SMAD3: variants seen among roughly 807,000 people sequenced by gnomAD.
SMAD3 encodes the protein SMAD family member 3, also known as MAD homolog 3.
SMAD3 carries 12 observed loss-of-function variants against 51.8 expected under a neutral mutation model. The ratio of observed to expected loss-of-function variants is 0.23; its 90% CI spans 0.15 to 0.38. The LOEUF is 0.38. SMAD3 is among the 10% of genes least tolerant of loss of function. The probability of loss-of-function intolerance (pLI) is 1.00; values close to 1 mark genes in which losing one functional copy is unlikely to be tolerated. For missense variants in SMAD3, 294 were observed against 565.6 expected (o/e 0.52, Z 4.87); for synonymous variants, 238 against 227.7 (o/e 1.05, Z -0.41).
intron 1 of SMAD3, chr15:67,098,601 G>T: frequency 2.2e-6 from 1 of 462,204 alleles, no homozygotes; most frequent in Non-Finnish European, 4.0e-6. Context: ...GCAAACCACA[G>T]AGTACATTTG....
chr15:67,116,096 C>T (rs1210613580), intron 1 of SMAD3, among the ~76,000 whole-genome samples: 1 of 152,224 alleles, frequency 6.6e-6, no homozygotes, highest in Non-Finnish European at 1.5e-5. Flanking sequence ...ATCTCCTGTT[C>T]AGTTTATCTC....
At chr15:67,109,504 T>C (rs1479986054) in intron 1 of SMAD3, among the ~76,000 whole-genome samples, 2 of 152,268 alleles carry the variant, frequency 1.3e-5, no homozygotes, top group East Asian at 3.9e-4. Context: ...CAGGGGTTCC[T>C]GCACAGAGCT....
At chr15:67,168,116 G>A (rs563625412) in intron 4 of SMAD3, among the ~76,000 whole-genome samples, 3 of 152,300 alleles carry the variant, frequency 2.0e-5, no homozygotes, top group Non-Finnish European at 4.4e-5. Flanking sequence ...CACCACGCCC[G>A]GCTCATTTGT....
intron 8 of SMAD3, 51 bp from the exon 9 acceptor site, chr15:67,190,362 C>G (rs1963328967): frequency 3.2e-6 from 5 of 1,570,590 alleles, no homozygotes; most frequent in Non-Finnish European, 3.5e-6. Context: ...TGTGTAACCC[C>G]CTGGAGATTT....
intron 1 of SMAD3, among the ~76,000 whole-genome samples, chr15:67,115,694 A>G (rs1434570163): frequency 6.6e-6 from 1 of 151,992 alleles, no homozygotes; most frequent in African/African-American, 2.4e-5. Context: ...GCTGATACAG[A>G]TTCAGTGGCA....
intron 7 of SMAD3, chr15:67,187,130 G>A (rs906894446): frequency 7.4e-6 from 5 of 671,698 alleles, no homozygotes; most frequent in Admixed American, 2.0e-5. Context: ...TCCCCTTGCA[G>A]GTATGTCAGT....
At chr15:67,100,253 T>A (rs1055552541) in intron 1 of SMAD3, among the ~76,000 whole-genome samples, 3 of 150,180 alleles carry the variant, frequency 2.0e-5, no homozygotes, top group Admixed American at 2.0e-4. Context: ...TTGTGCTGAG[T>A]TGAAGAATTC....
chr15:67,122,594 G>A (rs923862282), intron 1 of SMAD3, among the ~76,000 whole-genome samples: 7 of 152,194 alleles, frequency 4.6e-5, no homozygotes. Context: ...TGAGGGTCTT[G>A]CATCTAGCTA....
rs17293632 is a variant in SMAD3, at chr15:67,150,258, C to T, written c.207-14637C>T. 0.17 allele frequency among the ~76,000 whole-genome samples: 26,259 copies of T among 152,144 alleles called. 2,806 individuals carry two copies. The highest frequency in any genetic ancestry group is 0.24 in the Non-Finnish European group (16,102 of 67,982). On this transcript the variant is annotated intron_variant, in intron 1 of 8. Transcript: ENST00000327367. ...TGTTTTATCTCTCTAGCCGGTGACT[C>T]ATAATTAAGGAAGTCAAAACTGTGC...
At position 67,121,242 on chromosome 15, in the gene SMAD3, C is replaced by T. The variant is rs115543421; in HGVS notation, c.207-43653C>T. On this transcript the variant is annotated intron_variant, in intron 1 of 8. Transcript: ENST00000327367. The stretch of plus-strand genomic sequence containing the variant: ...GTGGAGCCCAGTGGGGATTTCCACG[C>T]GGCCCCAGTGTTCTCTTCTCCTCGT... Among the ~76,000 whole-genome samples the T allele has an allele frequency of 3.5e-3, 530 of 152,298 alleles. 4 individuals carry two copies. The highest frequency in any genetic ancestry group is 0.012 in the African/African-American group (517 of 41,554).
chr15:67,113,014 A>T lies in SMAD3; in HGVS notation c.206+46654A>T, dbSNP rs1383978814. 1.6e-5 allele frequency among the ~76,000 whole-genome samples: 2 copies of T among 124,650 alleles called. 1 individual carries two copies. The highest frequency in any genetic ancestry group is 1.8e-4 in the Admixed American group (2 of 10,946). 81.8% of individuals were successfully genotyped at this position (124,650 alleles called of 152,430 possible). A position where few individuals can be genotyped will look rare whatever the true frequency, so the allele number is the denominator to read the frequency against. On this transcript the variant is annotated intron_variant, in intron 1 of 8. Coordinates refer to ENST00000327367, the MANE Select transcript of SMAD3 (RefSeq NM_005902.4). ...TTTATTGATCCATACATCTATCCTC[A>T]TGACAGTCTTGACTACTATAGCTTT... is the stretch of plus-strand genomic sequence containing the variant.
chr15:67,088,649 G>A (rs997702896), intron 1 of SMAD3, among the ~76,000 whole-genome samples: 1 of 152,200 alleles, frequency 6.6e-6, no homozygotes, highest in Non-Finnish European at 1.5e-5. Context: ...GGATGCTAAG[G>A]CCGGGTGCGG....
chr15:67,141,031 T>C (rs888349543), intron 1 of SMAD3, among the ~76,000 whole-genome samples: 1 of 152,336 alleles, frequency 6.6e-6, no homozygotes, highest in South Asian at 2.1e-4. Flanking sequence ...AAAAACGCTC[T>C]GCAGGCCAAG....
Position 67,066,147 on chromosome 15 carries a change from C to G in SMAD3, c.-8C>G. On this transcript the variant is annotated 5_prime_UTR_variant, in exon 1 of 9. Transcript: ENST00000327367. ...GCGCTCCTCGCCGCCCGCGCGCCCTCCCCAGCCATGTCGTCCATCCTGCCT... is the reference window on the plus strand; with the variant it reads ...GCGCTCCTCGCCGCCCGCGCGCCCTGCCCAGCCATGTCGTCCATCCTGCCT... 6.3e-7 allele frequency: 1 copy of G among 1,583,050 alleles called. No individual in the cohort carries two copies. The highest frequency in any genetic ancestry group is 8.6e-7 in the Non-Finnish European group (1 of 1,165,630).
Position 67,190,591 on chromosome 15 carries a change from G to A in SMAD3, c.*55G>A. The A allele has an allele frequency of 6.3e-7, 1 of 1,594,742 alleles. No homozygotes were observed. Among genetic ancestry groups the A allele is most frequent in the Non-Finnish European group, 8.6e-7 (1 of 1,163,814 alleles). ...CTTGGGGAAAATGGCCATGCAGGAGGTGGAGAAAATTGGAACTCTACTCAA... is the reference window on the plus strand; with the variant it reads ...CTTGGGGAAAATGGCCATGCAGGAGATGGAGAAAATTGGAACTCTACTCAA... On this transcript the variant is annotated 3_prime_UTR_variant, in exon 9 of 9. Coordinates refer to ENST00000327367, the MANE Select transcript of SMAD3 (RefSeq NM_005902.4).
chr15:67,097,693 T>A (rs187070105), intron 1 of SMAD3, among the ~76,000 whole-genome samples: 24 of 152,236 alleles, frequency 1.6e-4, no homozygotes, highest in African/African-American at 5.5e-4. Context: ...GGAGGAGTAA[T>A]CATTGTGTCT....
At chr15:67,085,243 C>T (rs1960363476) in intron 1 of SMAD3, among the ~76,000 whole-genome samples, 1 of 152,132 alleles carries the variant, frequency 6.6e-6, no homozygotes, top group Non-Finnish European at 1.5e-5. Flanking sequence ...CATAGGGGCT[C>T]CTCTGGTGTG....
At chr15:67,075,610 A>G (rs904189666) in intron 1 of SMAD3, among the ~76,000 whole-genome samples, 5 of 152,126 alleles carry the variant, frequency 3.3e-5, no homozygotes, top group African/African-American at 9.7e-5. Context: ...GAAACTACCT[A>G]CTTCATAGAA....
chr15:67,066,461 G>A, intron 1 of SMAD3, 101 bp downstream of exon 1: 1 of 966,030 alleles, frequency 1.0e-6, no homozygotes, highest in South Asian at 1.4e-5. Flanking sequence ...GGGAGAGAGA[G>A]GGAGGGAGTG....
Sources: gnomAD v4.1 joint callset for allele counts (sites outside exome capture counted in the v4.1 genomes callset) on GRCh38, gnomAD v4.1.1 for gene constraint, MANE v1.5 for transcripts, NCBI Gene and HGNC (gene_info 2026-07-23, HGNC 2026-07-21) for gene names.